Variants in CNTNAP5 observed in about 807,000 individuals in gnomAD.
The protein encoded by CNTNAP5 is contactin-associated protein-like 5.
A neutral mutation model predicts 150.2 loss-of-function variants in CNTNAP5; 72 were observed. The observed-to-expected ratio is 0.48, with a 90% CI of 0.40 to 0.58. The LOEUF is 0.58. Ranked by LOEUF, CNTNAP5 falls within the 20% of genes least tolerant of loss-of-function variation. The pLI, the probability that CNTNAP5 is intolerant of heterozygous loss-of-function variation, is 0.00. For synonymous variants in CNTNAP5, 672 were observed against 619.8 expected, an observed-to-expected ratio of 1.08 and a Z score of -1.25; for missense variants, 1,636 against 1,626.2, an observed-to-expected ratio of 1.01 and a Z score of -0.10.
chr2:124,699,982 C>G (rs1247135054), intron 13 of CNTNAP5, among the ~76,000 whole-genome samples: 1 of 152,068 alleles, frequency 6.6e-6, no homozygotes, highest in Non-Finnish European at 1.5e-5. Context: ...AAAATGAAAC[C>G]CTGTACTTGT....
chr2:124,208,738 G>A (rs1481555470), intron 1 of CNTNAP5, among the ~76,000 whole-genome samples: 13 of 152,178 alleles, frequency 8.5e-5, no homozygotes. Flanking sequence ...AAAATCGGGA[G>A]GGAGTGGTAG....
chr2:124,095,098 T>A (rs1281623406), intron 1 of CNTNAP5, among the ~76,000 whole-genome samples: 1 of 152,194 alleles, frequency 6.6e-6, no homozygotes, highest in East Asian at 1.9e-4. Context: ...TCAACCCAAA[T>A]GTCCATCAAT....
chr2:124,624,706 G>C (rs970536568), intron 12 of CNTNAP5, among the ~76,000 whole-genome samples: 1 of 152,186 alleles, frequency 6.6e-6, no homozygotes, highest in Non-Finnish European at 1.5e-5. Flanking sequence ...ATTTTGCACA[G>C]TGTGGAAAAT....
chr2:124,105,383 A>T (rs1372553110), intron 1 of CNTNAP5, among the ~76,000 whole-genome samples: 2 of 152,326 alleles, frequency 1.3e-5, no homozygotes, highest in Non-Finnish European at 2.9e-5. Flanking sequence ...GAATTAAAAC[A>T]TATGAAAACT....
chr2:124,445,996 C>T (rs983172845), intron 5 of CNTNAP5, among the ~76,000 whole-genome samples: 1 of 152,046 alleles, frequency 6.6e-6, no homozygotes, highest in African/African-American at 2.4e-5. Flanking sequence ...CAAAGCATGC[C>T]TTTCCAGCTG....
chr2:124,858,844 T>C (rs1472295381), intron 19 of CNTNAP5, among the ~76,000 whole-genome samples: 4 of 152,102 alleles, frequency 2.6e-5, no homozygotes, highest in Non-Finnish European at 4.4e-5. Flanking sequence ...TAATAAAAAC[T>C]GGCTAGACAT....
Position 124,417,499 on chromosome 2 carries a change from A to T in CNTNAP5, c.438A>T (p.Ser146=), listed in dbSNP as rs1223503064. The stretch of plus-strand genomic sequence containing the variant: ...TGGTGCACCACAAGCTATTGCACTC[A>T]GTGAGAGCCCGATTTGTTCGCTTTG... ...DSVVHHKLLH[S]VRARFVRFVP... is the part of the protein sequence containing the mutation. The change falls in exon 4 of 24, where the codon TCA becomes TCT. Residue 146 remains serine (S), a synonymous_variant. Coordinates refer to ENST00000682447, the MANE Select transcript of CNTNAP5 (RefSeq NM_001367498.1). 2 of 1,613,926 alleles carry T rather than the reference A, an allele frequency of 1.2e-6. No homozygotes were observed.
At chr2:124,465,148 A>T (rs550340584) in intron 6 of CNTNAP5, among the ~76,000 whole-genome samples, 25 of 152,264 alleles carry the variant, frequency 1.6e-4, no homozygotes, top group South Asian at 1.5e-3. Flanking sequence ...CAAACCAAAA[A>T]AAATAAATAA....
In CNTNAP5 at chr2:124,765,357, A is replaced by C. The variant is rs537196693; in HGVS notation, c.2533+1210A>C. Among the ~76,000 whole-genome samples the C allele has an allele frequency of 5.9e-5, 9 of 152,220 alleles. No individual in the cohort carries two copies. In the East Asian group the frequency reaches 1.7e-3, roughly 29 times the overall value. On this transcript the variant is annotated intron_variant, in intron 16 of 23. Coordinates refer to ENST00000682447, the MANE Select transcript of CNTNAP5 (RefSeq NM_001367498.1). ...CTAGTAGGATGCAAATTTTGTCTCA[A>C]ACCTCTGTGGTTCCATACATTCATG...
chr2:124,786,404 AAGGAAGGAAG>A (rs1558775119), intron 17 of CNTNAP5, among the ~76,000 whole-genome samples: 45 of 92,400 alleles, frequency 4.9e-4, no homozygotes, highest in African/African-American at 1.3e-3. Context: ...AGAAAGAAGG[AAGGAAGGAAG>A]GAAGGAAGGA....
intron 19 of CNTNAP5, among the ~76,000 whole-genome samples, chr2:124,817,979 A>G (rs1477536275): frequency 6.6e-6 from 1 of 152,206 alleles, no homozygotes; most frequent in Non-Finnish European, 1.5e-5. Flanking sequence ...AGCCACCGAC[A>G]CATTCTCACA....
intron 1 of CNTNAP5, among the ~76,000 whole-genome samples, chr2:124,169,338 C>G (rs921595085): frequency 2.6e-5 from 4 of 151,324 alleles, no homozygotes; most frequent in Admixed American, 2.6e-4. Flanking sequence ...ACTCAAAGGA[C>G]AAATGGACAA....
intron 8 of CNTNAP5, among the ~76,000 whole-genome samples, chr2:124,506,563 C>A (rs1444020867): frequency 6.6e-6 from 1 of 152,106 alleles, no homozygotes; most frequent in East Asian, 1.9e-4. Context: ...CCACTGAACC[C>A]CTGAGCATAG....
chr2:124,528,852 G>A (rs576090249), intron 10 of CNTNAP5, among the ~76,000 whole-genome samples: 38 of 152,288 alleles, frequency 2.5e-4, no homozygotes, highest in South Asian at 1.5e-3. Flanking sequence ...AACTAGGCAG[G>A]TGACTGCCCC....
At chr2:124,083,354 A>C (rs913641905) in intron 1 of CNTNAP5, among the ~76,000 whole-genome samples, 1 of 152,174 alleles carries the variant, frequency 6.6e-6, no homozygotes, top group African/African-American at 2.4e-5. Context: ...GTGAGAGTCC[A>C]TCTCAAAAAA....
In CNTNAP5 at chr2:124,916,994, T is replaced by C. The variant is rs769035269; in HGVS notation, c.*2706T>C. Among the ~76,000 whole-genome samples the C allele has an allele frequency of 1.6e-4, 25 of 152,226 alleles. 1 individual carries two copies. Among genetic ancestry groups the C allele is most frequent in the South Asian group, 8.3e-4 (4 of 4,830 alleles). On this transcript the variant is annotated 3_prime_UTR_variant, in exon 24 of 24. Transcript: ENST00000682447. The stretch of plus-strand genomic sequence containing the variant: ...AGAAATCGTGCTAACTCTGACTGTC[T>C]TTCCTCAGTGGTACCAAGATCTATG...
chr2:124,743,574 T>C (rs1249959086), intron 13 of CNTNAP5, among the ~76,000 whole-genome samples: 8 of 152,080 alleles, frequency 5.3e-5, no homozygotes, highest in Admixed American at 2.0e-4. Context: ...AGGGAGGTCA[T>C]GGTGGTGCAG....
intron 1 of CNTNAP5, among the ~76,000 whole-genome samples, chr2:124,179,296 A>C (rs1353988181): frequency 2.0e-5 from 3 of 151,976 alleles, no homozygotes; most frequent in Non-Finnish European, 4.4e-5. Flanking sequence ...AGTAGCTGGG[A>C]TTACAGGCAT....
chr2:124,616,989 T>C (rs1159348662), intron 12 of CNTNAP5, among the ~76,000 whole-genome samples: 2 of 152,136 alleles, frequency 1.3e-5, no homozygotes. Context: ...AATGTAATAA[T>C]AATAAACAAT....
Sources: allele counts gnomAD v4.1 joint callset (sites outside exome capture counted in the v4.1 genomes callset), GRCh38; gene constraint gnomAD v4.1.1; transcripts MANE v1.5; gene names NCBI Gene and HGNC (gene_info 2026-07-23, HGNC 2026-07-21).